The following FREM3 variants were observed in gnomAD, a reference collection of about 807,000 sequenced individuals.
The protein encoded by FREM3 is FRAS1 related extracellular matrix 3.
Under a neutral mutation model 129.1 loss-of-function variants are expected in FREM3, and 105 were observed. The ratio of observed to expected loss-of-function variants is 0.81; its 90% CI spans 0.69 to 0.96. The LOEUF (loss-of-function observed/expected upper bound fraction) is 0.96. Among genes scored for constraint, FREM3 ranks in the 40% least tolerant of loss-of-function variants. The probability of loss-of-function intolerance (pLI) is 0.00; values close to 1 mark genes in which losing one functional copy is unlikely to be tolerated. For synonymous variants in FREM3, 1,014 were observed against 1,044.9 expected, an observed-to-expected ratio of 0.97 and a Z score of 0.57; for missense variants, 2,593 against 2,666.3, an observed-to-expected ratio of 0.97 and a Z score of 0.61.
At chr4:143,677,397 A>G (rs1000488784) in intron 2 of FREM3, among the ~76,000 whole-genome samples, 3 of 152,216 alleles carry the variant, frequency 2.0e-5, no homozygotes, top group African/African-American at 7.2e-5. Context: ...TTAATTCAAG[A>G]TGGATTAAAG....
At chr4:143,674,009 G>A (rs1291462578) in intron 2 of FREM3, among the ~76,000 whole-genome samples, 2 of 152,220 alleles carry the variant, frequency 1.3e-5, no homozygotes, top group African/African-American at 2.4e-5. Flanking sequence ...GCTTGGCTAG[G>A]AAAAGGAATT....
At chr4:143,638,565 GC>G (rs762015325) in intron 2 of FREM3, among the ~76,000 whole-genome samples, 13 of 152,114 alleles carry the variant, frequency 8.5e-5, no homozygotes, top group Non-Finnish European at 1.5e-4. Flanking sequence ...TGAGTCCAGA[GC>G]AAGTGACTGT....
chr4:143,640,702 G>A (rs1210681310), intron 2 of FREM3, among the ~76,000 whole-genome samples: 1 of 151,930 alleles, frequency 6.6e-6, no homozygotes, highest in African/African-American at 2.4e-5. Context: ...ATAATATAAA[G>A]CCATTTTTTT....
At chr4:143,660,986 T>C (rs1339909232) in intron 2 of FREM3, among the ~76,000 whole-genome samples, 1 of 152,190 alleles carries the variant, frequency 6.6e-6, no homozygotes, top group Non-Finnish European at 1.5e-5. Context: ...GATTTTGGGT[T>C]GAGACAATGG....
chr4:143,660,830 T>G (rs866761139), intron 2 of FREM3, among the ~76,000 whole-genome samples: 10 of 152,310 alleles, frequency 6.6e-5, no homozygotes, highest in South Asian at 2.1e-4. Flanking sequence ...CTAGGTATTT[T>G]ATTCTCTTTG....
chr4:143,638,425 G>T (rs1414331576), intron 2 of FREM3, among the ~76,000 whole-genome samples: 1 of 152,118 alleles, frequency 6.6e-6, no homozygotes, highest in Non-Finnish European at 1.5e-5. Flanking sequence ...GAGCATACAA[G>T]ATTTAAGGAG....
intron 6 of FREM3, among the ~76,000 whole-genome samples, chr4:143,595,889 GAA>G (rs70953742): frequency 2.7e-5 from 3 of 110,654 alleles, no homozygotes; most frequent in African/African-American, 7.2e-5. Context: ...CGCCATCTCA[GAA>G]AAAAAAAAAA....
At chr4:143,689,963 A>C (rs1172762665) in intron 2 of FREM3, among the ~76,000 whole-genome samples, 1 of 151,612 alleles carries the variant, frequency 6.6e-6, no homozygotes, top group East Asian at 1.9e-4. Context: ...ACCACCAAAG[A>C]ACTTACTCAT....
chr4:143,696,973 G>A lies in FREM3; in HGVS notation c.3703C>T (p.Leu1235Phe). The change falls in exon 1 of 8, where the codon CTC becomes TTC. Residue 1235 changes from leucine to phenylalanine, a missense_variant. Leu to Phe is a conservative substitution (Grantham distance 22). This residue lies in a region of FREM3 where 2,276 missense variants were observed against 2,267.2 expected (regional missense o/e 1.00). Transcript: ENST00000329798. ...PNELHFQLTA[L>F]PRHGRIIQQL... ...TGTATGATTCGTCCATGCCGAGGGA[G>A]GGCTGTGAGTTGAAAGTGGAGCTCA... The A allele has an allele frequency of 6.5e-7, 1 of 1,537,760 alleles. No homozygotes were observed. Among genetic ancestry groups the A allele is most frequent in the Non-Finnish European group, 8.7e-7 (1 of 1,147,048 alleles).
At chr4:143,596,593 G>A (rs1335350147) in intron 6 of FREM3, among the ~76,000 whole-genome samples, 2 of 152,098 alleles carry the variant, frequency 1.3e-5, no homozygotes, top group Non-Finnish European at 2.9e-5. Context: ...AATGGCCTGT[G>A]GTGCATTTAA....
Position 143,700,112 on chromosome 4 carries a change from TATGG to T in FREM3, c.560_563del (p.Ala187GlufsTer11). 6.5e-7 allele frequency: 1 copy of T among 1,537,024 alleles called. No homozygotes were observed. Among genetic ancestry groups the T allele is most frequent in the Non-Finnish European group, 8.7e-7 (1 of 1,146,860 alleles). The stretch of plus-strand genomic sequence containing the variant: ...AGGCGAAGTCCAGCACTCTCCTGTC[TATGG>T]CGCGGCTCCAGCTTCGCAGCTTCTC... On this transcript the variant is annotated frameshift_variant, in exon 1 of 8. Transcript: ENST00000329798. LOFTEE classifies it high-confidence loss of function.
rs942214382 is a variant in FREM3 at position 143,604,963 on chromosome 4, C to G, written c.6028+6316G>C. Among the ~76,000 whole-genome samples, 5 of 152,158 alleles carry G rather than the reference C, an allele frequency of 3.3e-5. No individual in the cohort carries two copies. In the East Asian group the frequency reaches 9.6e-4, roughly 29 times the overall value. On this transcript the variant is annotated intron_variant, in intron 6 of 7. Transcript: ENST00000329798. ...TAATTTTTTTCCTCCATTAAAAAGG[C>G]TTAATTCATTCAAGGATAATCTAAT... is the stretch of plus-strand genomic sequence containing the variant.
rs144129987 is a variant in FREM3, at chr4:143,664,575, G to C, written c.5275+28538C>G. ...TGAGGAGGCAGTCTGCCCGTTCTCA[G>C]ATCTCCAGCTGCATGCTGGGACAAC... On this transcript the variant is annotated intron_variant, in intron 2 of 7. Coordinates refer to ENST00000329798, the MANE Select transcript of FREM3 (RefSeq NM_001168235.2). Among the ~76,000 whole-genome samples, 1,451 of 152,244 alleles carry C rather than the reference G, an allele frequency of 9.5e-3. 23 individuals are homozygous for C. The highest frequency in any genetic ancestry group is 0.034 in the African/African-American group (1,394 of 41,552).
chr4:143,587,961 A>T (rs932684462), intron 6 of FREM3, among the ~76,000 whole-genome samples: 4 of 152,202 alleles, frequency 2.6e-5, no homozygotes, highest in African/African-American at 4.8e-5. Flanking sequence ...CATGTGGTCC[A>T]TGGCAACCTT....
At chr4:143,644,941 A>G (rs185394139) in intron 2 of FREM3, 72 of 152,306 alleles carry the variant, frequency 4.7e-4, no homozygotes, top group African/African-American at 1.7e-3. Flanking sequence ...GTCCTTTCCA[A>G]AATTATTATT....
chr4:143,665,381 C>G (rs767954774), intron 2 of FREM3, among the ~76,000 whole-genome samples: 25 of 152,232 alleles, frequency 1.6e-4, no homozygotes, highest in Middle Eastern at 3.4e-3. Flanking sequence ...CCCCATTAGA[C>G]TGTAAGTTCT....
intron 2 of FREM3, among the ~76,000 whole-genome samples, chr4:143,665,066 T>C (rs1739830103): frequency 6.6e-6 from 1 of 152,180 alleles, no homozygotes; most frequent in Non-Finnish European, 1.5e-5. Flanking sequence ...CTCACCCTGC[T>C]TTGGCTCGCG....
intron 2 of FREM3, among the ~76,000 whole-genome samples, chr4:143,677,619 G>A (rs1205478388): frequency 6.6e-6 from 1 of 152,056 alleles, no homozygotes; most frequent in Non-Finnish European, 1.5e-5. Context: ...CTACAGAATG[G>A]GAGAAAAATT....
At chr4:143,634,063 G>A (rs990634971) in intron 2 of FREM3, among the ~76,000 whole-genome samples, 4 of 152,172 alleles carry the variant, frequency 2.6e-5, no homozygotes, top group African/African-American at 9.7e-5. Context: ...TGTAGGTATA[G>A]TAGTACAGCA....
Sources: gnomAD v4.1 joint callset for allele counts (sites outside exome capture counted in the v4.1 genomes callset) on GRCh38, gnomAD v4.1.1 for gene constraint, gnomAD v4.1.1 regional missense constraint, MANE v1.5 for transcripts, NCBI Gene and HGNC (gene_info 2026-07-23, HGNC 2026-07-21) for gene names.